JPH3: variants seen among roughly 807,000 people sequenced by gnomAD.
JPH3 encodes the protein junctophilin 3.
In JPH3, 11 loss-of-function variants were observed where a neutral mutation model predicts 59.6. The ratio of observed to expected loss-of-function variants is 0.18; its 90% CI spans 0.12 to 0.31. The LOEUF (loss-of-function observed/expected upper bound fraction) is 0.31. JPH3 is among the 10% of genes least tolerant of loss of function. JPH3 has a pLI of 1.00. For synonymous variants in JPH3, 673 were observed against 483.6 expected, an observed-to-expected ratio of 1.39 and a Z score of -5.14; for missense variants, 1,202 against 1,105.7, an observed-to-expected ratio of 1.09 and a Z score of -1.24.
chr16:87,669,774 C>T (rs774883383), intron 2 of JPH3, among the ~76,000 whole-genome samples: 6 of 152,142 alleles, frequency 3.9e-5, no homozygotes, highest in African/African-American at 1.2e-4. Context: ...ACAGGAAGTC[C>T]AAGAGCAGTC....
At chr16:87,645,126 T>C (rs1597258274) in intron 2 of JPH3, 91 bp downstream of exon 2, 1 of 1,342,686 alleles carries the variant, frequency 7.4e-7, no homozygotes, top group East Asian at 2.4e-5. Flanking sequence ...CTCAAGGCCT[T>C]GGGCTAGGCC....
chr16:87,628,584 G>A (rs1368792185), intron 1 of JPH3, among the ~76,000 whole-genome samples: 3 of 152,202 alleles, frequency 2.0e-5, no homozygotes, highest in Admixed American at 1.3e-4. Context: ...CTTACCTGAC[G>A]TTAGCACCTG....
At chr16:87,659,456 G>C (rs187452459) in intron 2 of JPH3, among the ~76,000 whole-genome samples, 14 of 151,510 alleles carry the variant, frequency 9.2e-5, no homozygotes, top group African/African-American at 3.2e-4. Flanking sequence ...AGGCACAGTG[G>C]CTCACGCCTA....
Position 87,684,214 on chromosome 16 carries a change from C to G in JPH3, c.1233C>G (p.Ile411Met). Residue 411 changes from isoleucine (I) to methionine (M), a missense_variant, in exon 3 of 5, where the codon ATC (isoleucine) becomes ATG (methionine). Ile to Met is a conservative substitution (Grantham distance 10, BLOSUM62 1). Coordinates refer to ENST00000284262, the MANE Select transcript of JPH3 (RefSeq NM_020655.4). ...AAQKAQEEAR[I>M]ARITAKEFSP... ...AGAAAGCCCAGGAGGAGGCGCGGAT[C>G]GCCAGGATCACTGCCAAAGAGTTCT... 1.2e-6 allele frequency: 2 copies of G among 1,613,942 alleles called. No homozygotes were observed. The highest frequency in any genetic ancestry group is 1.7e-6 in the Non-Finnish European group (2 of 1,180,014).
At chr16:87,674,936 T>G (rs1372629915) in intron 2 of JPH3, among the ~76,000 whole-genome samples, 1 of 151,920 alleles carries the variant, frequency 6.6e-6, no homozygotes, top group African/African-American at 2.4e-5. Flanking sequence ...AATTTTTGTA[T>G]TTTTAGTAGA....
At chr16:87,604,288 C>CTGG in intron 1 of JPH3, 1 of 875,654 alleles carries the variant, frequency 1.1e-6, no homozygotes, top group Non-Finnish European at 1.5e-6. Context: ...AGGGAGCTGC[C>CTGG]TGCTGCTGCT....
At chr16:87,670,001 C>G (rs921920379) in intron 2 of JPH3, among the ~76,000 whole-genome samples, 1 of 152,146 alleles carries the variant, frequency 6.6e-6, no homozygotes, top group African/African-American at 2.4e-5. Context: ...AGGCTGCGTC[C>G]CGAGGCTGTG....
At position 87,603,162 on chromosome 16, in the gene JPH3, A is replaced by G. The variant is rs2030328023; in HGVS notation, c.16A>G (p.Arg6Gly). The G allele has an allele frequency of 6.2e-7, 1 of 1,613,836 alleles. No homozygotes were observed. Among genetic ancestry groups the G allele is most frequent in the African/African-American group, 1.3e-5 (1 of 74,932 alleles). ...AGTTACATGCATGTCCAGTGGGGGC[A>G]GGTTTAATTTTGACGACGGAGGGTC... is the stretch of plus-strand genomic sequence containing the variant. MSSGG[R>G]FNFDDGGSYC... Residue 6 changes from arginine to glycine, a missense_variant, in exon 1 of 5, where the codon AGG becomes GGG. Coordinates refer to ENST00000284262, the MANE Select transcript of JPH3 (RefSeq NM_020655.4).
intron 2 of JPH3, among the ~76,000 whole-genome samples, chr16:87,680,900 A>AT (rs1385811223): frequency 2.4e-4 from 37 of 152,152 alleles, no homozygotes; most frequent in African/African-American, 8.9e-4. Context: ...TGTTGGTGGT[A>AT]TTTTTACTAA....
chr16:87,650,062 C>T (rs1258985019), intron 2 of JPH3, among the ~76,000 whole-genome samples: 3 of 152,150 alleles, frequency 2.0e-5, no homozygotes, highest in African/African-American at 4.8e-5. Context: ...CAGGGGGTTT[C>T]GCTTCATTGT....
chr16:87,677,958 G>T (rs984617640), intron 2 of JPH3, among the ~76,000 whole-genome samples: 6 of 152,218 alleles, frequency 3.9e-5, no homozygotes, highest in African/African-American at 7.2e-5. Context: ...TGAACATTAA[G>T]ACCCTGTATG....
intron 2 of JPH3, among the ~76,000 whole-genome samples, chr16:87,668,340 C>T (rs543701406): frequency 2.0e-5 from 3 of 152,324 alleles, no homozygotes; most frequent in African/African-American, 7.2e-5. Context: ...TCTGTGTAGC[C>T]TGAAGGCAGT....
intron 1 of JPH3, among the ~76,000 whole-genome samples, chr16:87,610,311 C>A (rs2573124): frequency 0.49 from 74,948 of 152,028 alleles, 19,631 homozygotes; most frequent in African/African-American, 0.64. Flanking sequence ...CAACAGCCAC[C>A]TGGGACTAGT....
At chr16:87,666,389 T>TG (rs2032861598) in intron 2 of JPH3, among the ~76,000 whole-genome samples, 2 of 127,452 alleles carry the variant, frequency 1.6e-5, no homozygotes, top group African/African-American at 2.7e-5. Context: ...GCGCCTGGCC[T>TG]ATTTTTTTTT....
chr16:87,605,223 G>A (rs1381456172), intron 1 of JPH3, among the ~76,000 whole-genome samples: 1 of 152,220 alleles, frequency 6.6e-6, no homozygotes, highest in African/African-American at 2.4e-5. Flanking sequence ...AGAGGAGCCA[G>A]GGCTTTCGTT....
chr16:87,604,335 T>C (rs982511209), intron 1 of JPH3: 34 of 1,321,066 alleles, frequency 2.6e-5, no homozygotes, highest in African/African-American at 1.1e-4. Flanking sequence ...TGCTGTAAGA[T>C]GGTTTCTGTG....
intron 1 of JPH3, among the ~76,000 whole-genome samples, chr16:87,635,116 A>T (rs2031693937): frequency 6.6e-6 from 1 of 151,988 alleles, no homozygotes; most frequent in Non-Finnish European, 1.5e-5. Flanking sequence ...GCCGCACATG[A>T]GTGAGTGTCT....
intron 3 of JPH3, among the ~76,000 whole-genome samples, chr16:87,688,568 G>C (rs1345861852): frequency 6.6e-6 from 1 of 152,158 alleles, no homozygotes; most frequent in Non-Finnish European, 1.5e-5. Flanking sequence ...TCTAAGATGG[G>C]CAGTGGCTCT....
At chr16:87,664,868 C>T (rs537220489) in intron 2 of JPH3, among the ~76,000 whole-genome samples, 13 of 152,062 alleles carry the variant, frequency 8.5e-5, no homozygotes, top group Admixed American at 5.9e-4. Flanking sequence ...ATGCAGAGGC[C>T]CAAGGAAGCG....
Sources: allele counts gnomAD v4.1 joint callset (sites outside exome capture counted in the v4.1 genomes callset), GRCh38; gene constraint gnomAD v4.1.1; transcripts MANE v1.5; gene names NCBI Gene and HGNC (gene_info 2026-07-23, HGNC 2026-07-21).